Variants in NEO1 observed in about 807,000 individuals in gnomAD.
NEO1 encodes the protein neogenin.
A neutral mutation model predicts 159.7 loss-of-function variants in NEO1; 63 were observed. The ratio of observed to expected loss-of-function variants is 0.39; its 90% confidence interval spans 0.32 to 0.49. The LOEUF is 0.49. Ranked by LOEUF, NEO1 falls within the 20% of genes least tolerant of loss-of-function variation. The pLI is 0.85. For synonymous variants in NEO1, 633 were observed against 662.0 expected (o/e 0.96, Z 0.67); for missense variants, 1,615 against 1,831.0 (o/e 0.88, Z 2.15).
At chr15:73,140,914 A>G (rs908560941) in intron 5 of NEO1, among the ~76,000 whole-genome samples, 16 of 152,170 alleles carry the variant, frequency 1.1e-4, no homozygotes, top group Admixed American at 4.6e-4. Context: ...GACAAAACTA[A>G]TCTATGGTTT....
chr15:73,219,019 T>C (rs1421223906), intron 7 of NEO1, among the ~76,000 whole-genome samples: 1 of 151,466 alleles, frequency 6.6e-6, no homozygotes, highest in Non-Finnish European at 1.5e-5. Context: ...GATGTTAGGG[T>C]GTCAATTTTG....
chr15:73,056,742 T>TA (rs1406403352), intron 1 of NEO1, among the ~76,000 whole-genome samples: 7 of 152,184 alleles, frequency 4.6e-5, no homozygotes, highest in African/African-American at 1.7e-4. Context: ...TCACATTACT[T>TA]AGTTTCCAGA....
At chr15:73,120,964 C>T (rs922596699) in intron 2 of NEO1, among the ~76,000 whole-genome samples, 2 of 152,082 alleles carry the variant, frequency 1.3e-5, no homozygotes. Context: ...CCTTAACCCC[C>T]CAAAAATGCA....
chr15:73,080,424 T>C (rs151285451), intron 1 of NEO1, among the ~76,000 whole-genome samples: 88 of 152,350 alleles, frequency 5.8e-4, no homozygotes, highest in Non-Finnish European at 1.0e-3. Context: ...TCCCCTCACT[T>C]GCATAGACCT....
intron 1 of NEO1, among the ~76,000 whole-genome samples, chr15:73,091,278 A>G (rs1336836648): frequency 4.6e-5 from 7 of 152,214 alleles, no homozygotes; most frequent in Non-Finnish European, 1.0e-4. Context: ...TACTATGGAC[A>G]TTGGTACACA....
chr15:73,285,912 C>G (rs1414778132), intron 23 of NEO1, among the ~76,000 whole-genome samples: 2 of 152,144 alleles, frequency 1.3e-5, no homozygotes, highest in East Asian at 1.9e-4. Context: ...CCCTTTACCC[C>G]CTGAATCTCA....
Position 73,244,354 on chromosome 15 carries a change from G to A in NEO1, c.1462G>A (p.Glu488Lys). ...ATCCTTTGTCTAAAGGGAACGTGTTGAGAATACCAGTCACCCAGGAGAGAT... is the reference window on the plus strand; with the variant it reads ...ATCCTTTGTCTAAAGGGAACGTGTTAAGAATACCAGTCACCCAGGAGAGAT... ...TKEGIARERVENTSHPGEMQV... is the reference protein window; with the variant it reads ...TKEGIARERVKNTSHPGEMQV... Residue 488 changes from glutamate (E) to lysine (K), a missense_variant, in exon 9 of 29, where the codon GAG becomes AAG. Transcript: ENST00000261908. 6.2e-7 allele frequency: 1 copy of A among 1,613,180 alleles called. No homozygotes were observed.
intron 7 of NEO1, 51 bp downstream of exon 7, chr15:73,178,478 A>G (rs1165534268): frequency 3.7e-6 from 6 of 1,603,016 alleles, no homozygotes; most frequent in Non-Finnish European, 5.1e-6. Context: ...CTTGATGAAC[A>G]AGCACCCATC....
chr15:73,082,235 G>A (rs1426351019), intron 1 of NEO1, among the ~76,000 whole-genome samples: 5 of 152,090 alleles, frequency 3.3e-5, no homozygotes, highest in East Asian at 1.9e-4. Context: ...ATTTAGAGTC[G>A]AGTCTACTTA....
intron 5 of NEO1, among the ~76,000 whole-genome samples, chr15:73,149,364 A>T (rs1026795900): frequency 1.3e-5 from 2 of 151,942 alleles, no homozygotes; most frequent in Non-Finnish European, 2.9e-5. Context: ...AACAGCAAAG[A>T]TACTTTTCAA....
chr15:73,061,312 T>C (rs1303130090), intron 1 of NEO1, among the ~76,000 whole-genome samples: 3 of 152,242 alleles, frequency 2.0e-5, no homozygotes, highest in Non-Finnish European at 4.4e-5. Flanking sequence ...AAAATTTCTT[T>C]CCCTTTCCAT....
chr15:73,112,947 T>A (rs2151589801), intron 1 of NEO1, among the ~76,000 whole-genome samples: 1 of 152,280 alleles, frequency 6.6e-6, no homozygotes, highest in African/African-American at 2.4e-5. Context: ...CTAGTAACAT[T>A]TATTGAGTAG....
At chr15:73,076,248 T>A (rs2068761301) in intron 1 of NEO1, among the ~76,000 whole-genome samples, 1 of 152,206 alleles carries the variant, frequency 6.6e-6, no homozygotes, top group Non-Finnish European at 1.5e-5. Context: ...TATGGGGGCA[T>A]GAATAGATTC....
chr15:73,272,317 CTG>C (rs2041210752), intron 18 of NEO1, 136 bp from the exon 19 acceptor site: 18 of 588,878 alleles, frequency 3.1e-5, no homozygotes, highest in Admixed American at 1.2e-4. Context: ...GATAGACAAA[CTG>C]TGATTTCTTT....
At chr15:73,260,614 A>G (rs2040578504) in intron 15 of NEO1, 149 bp downstream of exon 15, 2 of 717,630 alleles carry the variant, frequency 2.8e-6, no homozygotes, top group Admixed American at 3.0e-5. Context: ...AAATGTTAAC[A>G]TTTAACCACA....
chr15:73,175,440 TAGAG>T (rs1005557219), intron 5 of NEO1, among the ~76,000 whole-genome samples: 9 of 152,298 alleles, frequency 5.9e-5, no homozygotes, highest in East Asian at 5.8e-4. Context: ...CAGACTTAAA[TAGAG>T]AGATAAACCT....
chr15:73,125,392 T>C (rs1412260980), intron 3 of NEO1, among the ~76,000 whole-genome samples: 1 of 152,244 alleles, frequency 6.6e-6, no homozygotes, highest in Non-Finnish European at 1.5e-5. Context: ...TTTTAAAGCC[T>C]GGGCTTATCA....
In NEO1 at chr15:73,215,428, C is replaced by T. The variant is rs575471447; in HGVS notation, c.1292-20919C>T. On this transcript the variant is annotated intron_variant, in intron 7 of 28. Transcript: ENST00000261908. ...TTGGCTGTGGGTTAGTCACAGATGG[C>T]TTTTATTACATTGAAGTATGTCCCT... Among the ~76,000 whole-genome samples the T allele has an allele frequency of 2.0e-5, 3 of 152,242 alleles. No individual in the cohort carries two copies. The South Asian group carries it at 6.2e-4, about 32-fold the overall frequency.
In NEO1 at chr15:73,301,321, C is replaced by T; in HGVS notation, c.4166C>T (p.Ala1389Val). 6.2e-7 allele frequency: 1 copy of T among 1,614,168 alleles called. No homozygotes were observed. The highest frequency in any genetic ancestry group is 8.5e-7 in the Non-Finnish European group (1 of 1,180,022). Residue 1389 changes from alanine to valine, a missense_variant and splice_region_variant, in exon 28 of 29, where the codon GCT becomes GTT. Ala to Val is a moderately conservative substitution (Grantham distance 64, BLOSUM62 0). Coordinates refer to ENST00000261908, the MANE Select transcript of NEO1 (RefSeq NM_002499.4). Reference sequence around the variant, plus strand: ...ATCTGATGGTGCCCTTTCCCCTCAGCTCTGAACCATCACATTCACTCAGTG... The same window carrying T: ...ATCTGATGGTGCCCTTTCCCCTCAGTTCTGAACCATCACATTCACTCAGTG... ...LPSTPLLSQQ[A>V]LNHHIHSVKT...
Sources: allele counts gnomAD v4.1 joint callset (sites outside exome capture counted in the v4.1 genomes callset), GRCh38; gene constraint gnomAD v4.1.1; transcripts MANE v1.5; gene names NCBI Gene and HGNC (gene_info 2026-07-23, HGNC 2026-07-21).